Variants in SPOCK3 observed in about 807,000 individuals in gnomAD.
The protein encoded by SPOCK3 is SPARC (osteonectin), cwcv and kazal like domains proteoglycan 3.
Under a neutral mutation model 56.6 loss-of-function variants are expected in SPOCK3, and 30 were observed. That is an observed-to-expected ratio of 0.53 (90% CI 0.40 to 0.72). The LOEUF (loss-of-function observed/expected upper bound fraction) is 0.72, where lower values mean the gene tolerates loss of function less well. SPOCK3 is among the 30% of genes least tolerant of loss of function. SPOCK3 has a pLI of 0.00. For missense variants in SPOCK3, 527 were observed against 530.0 expected (o/e 0.99, Z 0.06); for synonymous variants, 196 against 183.3 (o/e 1.07, Z -0.56).
intron 2 of SPOCK3, among the ~76,000 whole-genome samples, chr4:167,068,544 T>C (rs1266287402): frequency 6.6e-6 from 1 of 151,728 alleles, no homozygotes; most frequent in East Asian, 1.9e-4. Context: ...GAATAAAATA[T>C]ATGGTATATT....
intron 2 of SPOCK3, among the ~76,000 whole-genome samples, chr4:167,096,856 T>C (rs1759203027): frequency 1.3e-5 from 2 of 151,816 alleles, no homozygotes; most frequent in South Asian, 2.1e-4. Flanking sequence ...AAGAGGAAGG[T>C]TGAAATCTTC....
intron 4 of SPOCK3, among the ~76,000 whole-genome samples, chr4:166,934,607 T>G (rs1740180434): frequency 6.6e-6 from 1 of 152,194 alleles, no homozygotes; most frequent in Non-Finnish European, 1.5e-5. Flanking sequence ...ATATATGTGT[T>G]TACTTATAAT....
chr4:166,857,253 C>T (rs1442756915), intron 6 of SPOCK3, among the ~76,000 whole-genome samples: 1 of 152,326 alleles, frequency 6.6e-6, no homozygotes, highest in East Asian at 1.9e-4. Context: ...AAGAGCTGCA[C>T]TGAGCTCCTC....
intron 2 of SPOCK3, among the ~76,000 whole-genome samples, chr4:167,197,843 T>C (rs1554051642): frequency 6.6e-6 from 1 of 152,156 alleles, no homozygotes; most frequent in Non-Finnish European, 1.5e-5. Context: ...ATTTTCTTCA[T>C]TACCATTTAT....
chr4:167,123,996 C>T lies in SPOCK3; in HGVS notation c.190-61459G>A, dbSNP rs573158415. ...TCCTGACCTCGTGATCTGCCTGCCT[C>T]GGCCTCCCAAAGTGCTGGGATTACA... is the stretch of plus-strand genomic sequence containing the variant. On this transcript the variant is annotated intron_variant, in intron 2 of 10. Coordinates refer to ENST00000357545, the MANE Select transcript of SPOCK3 (RefSeq NM_001040159.2). 3.6e-4 allele frequency among the ~76,000 whole-genome samples: 54 copies of T among 152,112 alleles called. 2 individuals carry two copies. The highest frequency in any genetic ancestry group is 2.5e-3 in the Admixed American group (38 of 15,290).
intron 4 of SPOCK3, among the ~76,000 whole-genome samples, chr4:166,983,791 C>T (rs1349141758): frequency 6.6e-6 from 1 of 151,922 alleles, no homozygotes; most frequent in African/African-American, 2.4e-5. Context: ...AGTTATCTCT[C>T]GATTGAATTA....
chr4:166,917,743 T>C (rs1276563034), intron 4 of SPOCK3, among the ~76,000 whole-genome samples: 5 of 152,004 alleles, frequency 3.3e-5, no homozygotes, highest in African/African-American at 1.2e-4. Context: ...TGCTTCCCCT[T>C]CCCCCATGAC....
chr4:167,002,602 T>G (rs559495564), intron 3 of SPOCK3, among the ~76,000 whole-genome samples: 7 of 152,310 alleles, frequency 4.6e-5, no homozygotes, highest in Non-Finnish European at 7.4e-5. Context: ...ATAAACTATA[T>G]TAATTTTTCA....
At chr4:166,987,342 C>A (rs940816796) in intron 4 of SPOCK3, among the ~76,000 whole-genome samples, 14 of 152,164 alleles carry the variant, frequency 9.2e-5, no homozygotes, top group Admixed American at 5.2e-4. Flanking sequence ...CAAACATTAT[C>A]TATAATGAGA....
intron 7 of SPOCK3, among the ~76,000 whole-genome samples, chr4:166,787,227 G>T (rs954798081): frequency 6.6e-6 from 1 of 152,118 alleles, no homozygotes; most frequent in African/African-American, 2.4e-5. Flanking sequence ...TGGAGATAAA[G>T]ATTCATCAAA....
chr4:166,918,339 GAA>G (rs1221975677), intron 4 of SPOCK3: 4 of 152,078 alleles, frequency 2.6e-5, no homozygotes, highest in Non-Finnish European at 4.4e-5. Context: ...AATATCATAA[GAA>G]ATAAATTTTA....
chr4:166,814,947 A>T (rs1744230559), intron 6 of SPOCK3, among the ~76,000 whole-genome samples: 1 of 152,054 alleles, frequency 6.6e-6, no homozygotes, highest in Non-Finnish European at 1.5e-5. Flanking sequence ...TTATTTAGGG[A>T]TGGACTCAAT....
At chr4:167,113,699 T>C (rs1475602244) in intron 2 of SPOCK3, among the ~76,000 whole-genome samples, 1 of 152,148 alleles carries the variant, frequency 6.6e-6, no homozygotes, top group Non-Finnish European at 1.5e-5. Flanking sequence ...CCCATAGGCC[T>C]ACGGTACAAG....
intron 5 of SPOCK3, among the ~76,000 whole-genome samples, chr4:166,899,262 CTA>C (rs1243830230): frequency 8.2e-6 from 1 of 121,446 alleles, no homozygotes. Flanking sequence ...ATCTATCTAT[CTA>C]TCTATCTATC....
chr4:166,892,114 C>A (rs1734851214), intron 5 of SPOCK3, among the ~76,000 whole-genome samples: 1 of 151,934 alleles, frequency 6.6e-6, no homozygotes, highest in Non-Finnish European at 1.5e-5. Context: ...TATCATTAGG[C>A]ACTAGGAGAA....
intron 4 of SPOCK3, among the ~76,000 whole-genome samples, chr4:166,934,019 G>T (rs2150002160): frequency 6.6e-6 from 1 of 152,186 alleles, no homozygotes; most frequent in Admixed American, 6.5e-5. Flanking sequence ...AATGAAAACA[G>T]GCAGATTTGT....
intron 5 of SPOCK3, among the ~76,000 whole-genome samples, chr4:166,908,271 TTC>T (rs1491259373): frequency 3.0e-5 from 4 of 132,722 alleles, no homozygotes; most frequent in East Asian, 4.4e-4. Flanking sequence ...AATGTTATTG[TTC>T]ACACACACAC....
chr4:167,040,750 T>C (rs1019537637), intron 3 of SPOCK3, among the ~76,000 whole-genome samples: 22 of 152,150 alleles, frequency 1.4e-4, no homozygotes, highest in Admixed American at 1.4e-3. Flanking sequence ...ATATTTACAT[T>C]CAAAGATACA....
At chr4:166,802,498 G>C (rs757687355) in intron 6 of SPOCK3, among the ~76,000 whole-genome samples, 1 of 152,118 alleles carries the variant, frequency 6.6e-6, no homozygotes, top group African/African-American at 2.4e-5. Flanking sequence ...CTTCCTAGAC[G>C]GCATTTTTTT....
Sources: gnomAD v4.1 joint callset for allele counts (sites outside exome capture counted in the v4.1 genomes callset) on GRCh38, gnomAD v4.1.1 for gene constraint, MANE v1.5 for transcripts, NCBI Gene and HGNC (gene_info 2026-07-23, HGNC 2026-07-21) for gene names.